The following PDSS2 variants were observed in gnomAD, a reference collection of about 807,000 sequenced individuals.
PDSS2 encodes the protein decaprenyl diphosphate synthase subunit 2, also known as all trans-polyprenyl-diphosphate synthase PDSS2.
A neutral mutation model predicts 44.5 loss-of-function variants in PDSS2; 31 were observed. The observed-to-expected ratio is 0.70, with a 90% CI of 0.52 to 0.94. The LOEUF is 0.94. Ranked by LOEUF, PDSS2 falls within the 40% of genes least tolerant of loss-of-function variation. The probability of loss-of-function intolerance (pLI) is 0.00; values close to 1 mark genes in which losing one functional copy is unlikely to be tolerated. For missense variants in PDSS2, 452 were observed against 482.2 expected, an observed-to-expected ratio of 0.94 and a Z score of 0.59; for synonymous variants, 157 against 180.3, an observed-to-expected ratio of 0.87 and a Z score of 1.03.
At position 107,164,178 on chromosome 6, in the gene PDSS2, T is replaced by A. The variant is rs559709720; in HGVS notation, c.1042-9401A>T. On this transcript the variant is annotated intron_variant, in intron 7 of 7. Transcript: ENST00000369037. ...TTATACTTAAAAAAAATTTTTTTTTTAATTATACTTTAAGTTCTAGGGTAC... is the reference window on the plus strand; with the variant it reads ...TTATACTTAAAAAAAATTTTTTTTTAAATTATACTTTAAGTTCTAGGGTAC... Among the ~76,000 whole-genome samples, 108 of 152,056 alleles carry A rather than the reference T, an allele frequency of 7.1e-4. 2 individuals are homozygous for A. The highest frequency in any genetic ancestry group is 1.5e-3 in the African/African-American group (62 of 41,464).
chr6:107,258,180 A>G (rs903850487), intron 3 of PDSS2, among the ~76,000 whole-genome samples: 1 of 152,206 alleles, frequency 6.6e-6, no homozygotes, highest in Non-Finnish European at 1.5e-5. Context: ...GAGTTTACCA[A>G]TTTGGGGTAC....
Position 107,370,484 on chromosome 6 carries a change from G to T in PDSS2, c.297-36152C>A, listed in dbSNP as rs559195455. ...AGCTTCTTGATCTGCAGTTTCCATT[G>T]TATTCAATAACATCAGCAAAATTAA... On this transcript the variant is annotated intron_variant, in intron 1 of 7. Coordinates refer to ENST00000369037, the MANE Select transcript of PDSS2 (RefSeq NM_020381.4). Among the ~76,000 whole-genome samples the T allele has an allele frequency of 9.3e-4, 141 of 152,278 alleles. 1 individual carries two copies. Among genetic ancestry groups the T allele is most frequent in the South Asian group, 6.8e-3 (33 of 4,826 alleles).
chr6:107,213,481 G>A (rs930245832), intron 4 of PDSS2, among the ~76,000 whole-genome samples: 1 of 151,868 alleles, frequency 6.6e-6, no homozygotes, highest in Non-Finnish European at 1.5e-5. Context: ...AAAAAGAAGG[G>A]TGGGCATGGT....
chr6:107,192,975 T>C (rs1772431913), intron 7 of PDSS2, among the ~76,000 whole-genome samples: 1 of 152,130 alleles, frequency 6.6e-6, no homozygotes, highest in African/African-American at 2.4e-5. Flanking sequence ...TCCCTGTCTT[T>C]GGAGTGCAGG....
chr6:107,220,593 A>G (rs1455432769), intron 4 of PDSS2, among the ~76,000 whole-genome samples: 1 of 49,992 alleles, frequency 2.0e-5, no homozygotes, highest in African/African-American at 4.6e-5. Flanking sequence ...TCTAAAATCA[A>G]AGATTCAGTT....
chr6:107,311,424 T>C (rs1777043384), intron 2 of PDSS2, among the ~76,000 whole-genome samples: 1 of 152,064 alleles, frequency 6.6e-6, no homozygotes. Context: ...CCCAGGCTAG[T>C]CTTGAACTCC....
chr6:107,228,282 C>G (rs546973306), intron 4 of PDSS2, among the ~76,000 whole-genome samples: 1 of 152,194 alleles, frequency 6.6e-6, no homozygotes, highest in Non-Finnish European at 1.5e-5. Context: ...TCTCTGCCTT[C>G]TCAATATCTA....
chr6:107,285,366 T>TG (rs1483215059), intron 2 of PDSS2, among the ~76,000 whole-genome samples: 8 of 152,092 alleles, frequency 5.3e-5, no homozygotes, highest in African/African-American at 1.7e-4. Flanking sequence ...ATAGTATGGC[T>TG]GGGCGTGGAG....
chr6:107,283,376 T>C (rs1776035477), intron 2 of PDSS2, among the ~76,000 whole-genome samples: 1 of 151,600 alleles, frequency 6.6e-6, no homozygotes. Context: ...TCGTTCCTTA[T>C]AATAACCTGA....
intron 1 of PDSS2, among the ~76,000 whole-genome samples, chr6:107,415,916 A>G (rs1229737283): frequency 6.6e-6 from 1 of 152,182 alleles, no homozygotes. Flanking sequence ...TTTCAGAAGA[A>G]AGGAACAGGG....
intron 7 of PDSS2, among the ~76,000 whole-genome samples, chr6:107,190,880 C>A (rs1328105639): frequency 6.6e-6 from 1 of 151,754 alleles, no homozygotes; most frequent in South Asian, 2.1e-4. Flanking sequence ...GCCGGATAGA[C>A]AACACAGAGC....
At chr6:107,384,821 C>T (rs1052583653) in intron 1 of PDSS2, among the ~76,000 whole-genome samples, 8 of 152,146 alleles carry the variant, frequency 5.3e-5, no homozygotes, top group African/African-American at 1.9e-4. Context: ...CTGGTGCTTT[C>T]CGTCTGACTG....
chr6:107,442,722 C>G (rs140664786), intron 1 of PDSS2, among the ~76,000 whole-genome samples: 1 of 152,270 alleles, frequency 6.6e-6, no homozygotes. Context: ...TCAACATACT[C>G]AATTGCTCAG....
intron 2 of PDSS2, among the ~76,000 whole-genome samples, chr6:107,284,286 T>A (rs1246486826): frequency 6.6e-6 from 1 of 152,182 alleles, no homozygotes; most frequent in Non-Finnish European, 1.5e-5. Flanking sequence ...TATGCTTTTT[T>A]AAAATTTTGG....
At chr6:107,226,739 G>A (rs1183152119) in intron 4 of PDSS2, among the ~76,000 whole-genome samples, 1 of 147,342 alleles carries the variant, frequency 6.8e-6, no homozygotes, top group Non-Finnish European at 1.5e-5. Context: ...GCGCAATCTC[G>A]GCTCACTGCA....
At chr6:107,242,941 T>C (rs908557497) in intron 4 of PDSS2, among the ~76,000 whole-genome samples, 12 of 152,196 alleles carry the variant, frequency 7.9e-5, no homozygotes, top group African/African-American at 2.9e-4. Context: ...GACAGATGAA[T>C]GAAGCAGTGC....
intron 1 of PDSS2, 49 bp downstream of exon 1, chr6:107,458,941 A>G: frequency 6.3e-7 from 1 of 1,578,350 alleles, no homozygotes; most frequent in East Asian, 2.2e-5. Context: ...GCCAGAAAAA[A>G]AAGTATTCCA....
At position 107,255,198 on chromosome 6, in the gene PDSS2, A is replaced by ATT. The variant is rs771098042; in HGVS notation, c.631-9581_631-9580dup. On this transcript the variant is annotated intron_variant, in intron 3 of 7. Transcript: ENST00000369037. ...ATTATGTAATTTTCTATTGCATTCT[A>ATT]TTTTTTTTTTTTTTTTGAGATGGAG... Among the ~76,000 whole-genome samples the ATT allele has an allele frequency of 3.1e-3, 388 of 126,380 alleles. 4 individuals are homozygous for ATT. The highest frequency in any genetic ancestry group is 0.01 in the African/African-American group (340 of 33,706). 82.9% of individuals were successfully genotyped at this position (126,380 alleles called of 152,430 possible).
chr6:107,166,611 G>A lies in PDSS2; in HGVS notation c.1042-11834C>T, dbSNP rs184863547. On this transcript the variant is annotated intron_variant, in intron 7 of 7. Transcript: ENST00000369037. ...GATCTCCTGACCTCGTGATCCGCCC[G>A]CCTCGGCCTCCCAAAGTGCTGGGAT... 5.6e-3 allele frequency among the ~76,000 whole-genome samples: 849 copies of A among 152,148 alleles called. 10 individuals are homozygous for A. Among genetic ancestry groups the A allele is most frequent in the African/African-American group, 0.019 (779 of 41,520 alleles).
Sources: allele counts gnomAD v4.1 joint callset (sites outside exome capture counted in the v4.1 genomes callset), GRCh38; gene constraint gnomAD v4.1.1; transcripts MANE v1.5; gene names NCBI Gene and HGNC (gene_info 2026-07-23, HGNC 2026-07-21).